Variants in SPDYE14 observed in about 807,000 individuals in gnomAD.
SPDYE14 encodes the protein speedy/RINGO cell cycle regulator family member E14.
chr7:75,279,244 C>T, the SPDYE14 span, among the ~76,000 whole-genome samples: 1 of 95,818 alleles, frequency 1.0e-5, no homozygotes, highest in African/African-American at 5.5e-5. Context: ...AAGTGTCCAC[C>T]AGCAGGAGAA....
At chr7:75,268,828 C>T in the SPDYE14 span, among the ~76,000 whole-genome samples, 3 of 43,494 alleles carry the variant, frequency 6.9e-5, no homozygotes, top group African/African-American at 1.2e-4. Flanking sequence ...GCCCAGATCG[C>T]ACCATTGCAC....
chr7:75,265,037 T>A, the SPDYE14 span, among the ~76,000 whole-genome samples: 12 of 64,288 alleles, frequency 1.9e-4, 1 homozygote, highest in Non-Finnish European at 3.1e-4. Context: ...TTTTTTTTTT[T>A]AATTGTCTTC....
chr7:75,260,113 T>A, the SPDYE14 span, among the ~76,000 whole-genome samples: 1 of 54,398 alleles, frequency 1.8e-5, no homozygotes, highest in Non-Finnish European at 3.9e-5. Flanking sequence ...TCAGATCTAT[T>A]TTTTTTTTTT....
chr7:75,262,370 A>ATT, the SPDYE14 span, among the ~76,000 whole-genome samples: 8 of 62,534 alleles, frequency 1.3e-4, no homozygotes, highest in African/African-American at 3.2e-4. Context: ...TGGTTAGTTG[A>ATT]TTTTTTTTTT....
At chr7:75,244,791 CA>C in the SPDYE14 span, among the ~76,000 whole-genome samples, 2 of 117,632 alleles carry the variant, frequency 1.7e-5, no homozygotes, top group South Asian at 6.2e-4. Flanking sequence ...AAAAAACAAA[CA>C]AACAAACAAA....
At chr7:75,241,691 A>ATTTTT in the SPDYE14 span, among the ~76,000 whole-genome samples, 1 of 25,456 alleles carries the variant, frequency 3.9e-5, no homozygotes, top group African/African-American at 9.6e-5. Context: ...ATATATATAT[A>ATTTTT]TATATTTTTT....
At chr7:75,244,308 G>A in the SPDYE14 span, among the ~76,000 whole-genome samples, 1 of 6,646 alleles carries the variant, frequency 1.5e-4, no homozygotes, top group Non-Finnish European at 3.7e-4. Context: ...TGTGTTAGCC[G>A]GGATGATCTC....
chr7:75,274,499 C>CT, the SPDYE14 span, among the ~76,000 whole-genome samples: 212 of 13,052 alleles, frequency 0.016, 18 homozygotes, highest in African/African-American at 0.024. Flanking sequence ...CTAGTCCTGG[C>CT]TTTTTTTTTT....
At chr7:75,247,442 G>GAA in the SPDYE14 span, among the ~76,000 whole-genome samples, 1 of 69,042 alleles carries the variant, frequency 1.4e-5, no homozygotes, top group African/African-American at 4.3e-5. Flanking sequence ...GAGAGAGAAA[G>GAA]AGAAAGAAAG....
the SPDYE14 span, among the ~76,000 whole-genome samples, chr7:75,245,264 C>CA: frequency 3.5e-5 from 2 of 56,856 alleles, no homozygotes; most frequent in Non-Finnish European, 6.9e-5. Context: ...ACTAAAATTA[C>CA]AAAAAAATTA....
the SPDYE14 span, among the ~76,000 whole-genome samples, chr7:75,275,015 G>C: frequency 3.2e-5 from 2 of 61,802 alleles, 1 homozygote; most frequent in Non-Finnish European, 8.5e-5. Context: ...GAAGTGAGGA[G>C]CCCCTCTGCC....
At chr7:75,255,185 CT>C in the SPDYE14 span, among the ~76,000 whole-genome samples, 2 of 23,376 alleles carry the variant, frequency 8.6e-5, no homozygotes, top group African/African-American at 1.1e-4. Context: ...TCTTTCTTTC[CT>C]TTTTTTTTTG....
chr7:75,265,565 C>CAAAAAAAA, the SPDYE14 span, among the ~76,000 whole-genome samples: 1 of 1,768 alleles, frequency 5.7e-4, no homozygotes, highest in Non-Finnish European at 1.4e-3. Flanking sequence ...TAAAAAAATA[C>CAAAAAAAA]AAAAAAAAAA....
chr7:75,273,132 G>A, the SPDYE14 span, among the ~76,000 whole-genome samples: 7 of 60,022 alleles, frequency 1.2e-4, 2 homozygotes, highest in South Asian at 1.6e-3. Flanking sequence ...AGATGTGCGT[G>A]CTTCCCCTTC....
chr7:75,261,453 C>CAT, the SPDYE14 span, among the ~76,000 whole-genome samples: 1 of 39,934 alleles, frequency 2.5e-5, no homozygotes, highest in African/African-American at 9.6e-5. Flanking sequence ...TCAAGAACAC[C>CAT]TTTTTTTTTT....
chr7:75,240,557 C>T, the SPDYE14 span, among the ~76,000 whole-genome samples: 1 of 55,828 alleles, frequency 1.8e-5, no homozygotes, highest in Admixed American at 2.7e-4. Context: ...GATTGCACTA[C>T]TGCACTCCAG....
the SPDYE14 span, among the ~76,000 whole-genome samples, chr7:75,241,679 A>AT: frequency 8.3e-3 from 146 of 17,604 alleles, 14 homozygotes; most frequent in Middle Eastern, 0.056. Flanking sequence ...TAAAAAAAAA[A>AT]AATATATATA....
the SPDYE14 span, among the ~76,000 whole-genome samples, chr7:75,272,811 G>A: frequency 7.4e-5 from 4 of 54,000 alleles, 1 homozygote; most frequent in Non-Finnish European, 1.9e-4. Context: ...ATTTGAACCT[G>A]GGAGGCAGAA....
At chr7:75,273,129 CG>C in the SPDYE14 span, among the ~76,000 whole-genome samples, 1 of 59,858 alleles carries the variant, frequency 1.7e-5, no homozygotes, top group Non-Finnish European at 4.3e-5. Flanking sequence ...GTGAGATGTG[CG>C]TGCTTCCCCT....
Sources: gnomAD v4.1 joint callset for allele counts (sites outside exome capture counted in the v4.1 genomes callset) on GRCh38, gnomAD v4.1.1 for gene constraint, MANE v1.5 for transcripts, NCBI Gene and HGNC (gene_info 2026-07-23, HGNC 2026-07-21) for gene names.